Variants in TNR observed in about 807,000 individuals in gnomAD.
TNR encodes tenascin-R.
TNR carries 45 observed loss-of-function variants against 150.4 expected under a neutral mutation model. The observed-to-expected ratio is 0.30, with a 90% CI of 0.24 to 0.38. The LOEUF is 0.38. Ranked by LOEUF, TNR falls within the 10% of genes least tolerant of loss-of-function variation. The probability of loss-of-function intolerance (pLI) is 1.00; values close to 1 mark genes in which losing one functional copy is unlikely to be tolerated. For synonymous variants in TNR, 687 were observed against 678.4 expected, an observed-to-expected ratio of 1.01 and a Z score of -0.20; for missense variants, 1,544 against 1,759.1, an observed-to-expected ratio of 0.88 and a Z score of 2.19.
At chr1:175,552,968 C>T (rs1420065724) in intron 1 of TNR, among the ~76,000 whole-genome samples, 1 of 152,130 alleles carries the variant, frequency 6.6e-6, no homozygotes, top group Non-Finnish European at 1.5e-5. Flanking sequence ...TGAACTAGAC[C>T]TGAGAGCCCT....
intron 1 of TNR, among the ~76,000 whole-genome samples, chr1:175,725,062 G>A (rs1457254316): frequency 1.3e-5 from 2 of 152,158 alleles, no homozygotes; most frequent in East Asian, 1.9e-4. Flanking sequence ...AAGATCAATG[G>A]GAAGTGCTTG....
intron 9 of TNR, among the ~76,000 whole-genome samples, chr1:175,368,473 C>T (rs981650344): frequency 1.3e-5 from 2 of 152,204 alleles, no homozygotes; most frequent in Non-Finnish European, 2.9e-5. Flanking sequence ...TCATGTTGGT[C>T]CCACCTGGAT....
Position 175,411,296 on chromosome 1 carries a change from C to T in TNR, c.-63-4519G>A, listed in dbSNP as rs189451972. Among the ~76,000 whole-genome samples, 3 of 152,254 alleles carry T rather than the reference C, an allele frequency of 2.0e-5. No individual in the cohort carries two copies. The East Asian group carries it at 5.8e-4, about 29-fold the overall frequency. The stretch of plus-strand genomic sequence containing the variant: ...GTGTTGAAGAGGGGATGTTAAGCAT[C>T]AGATGAGCGATTGGGCTAGAACGAA... On this transcript the variant is annotated intron_variant, in intron 2 of 22. Coordinates refer to ENST00000367674, the MANE Select transcript of TNR (RefSeq NM_003285.3).
At chr1:175,530,967 TGAA>T (rs934165754) in intron 1 of TNR, among the ~76,000 whole-genome samples, 8 of 152,150 alleles carry the variant, frequency 5.3e-5, no homozygotes, top group African/African-American at 1.9e-4. Flanking sequence ...ACCAGGAATA[TGAA>T]GAAGAGGATA....
At chr1:175,503,691 T>C (rs1381162250) in intron 2 of TNR, among the ~76,000 whole-genome samples, 1 of 152,154 alleles carries the variant, frequency 6.6e-6, no homozygotes, top group Non-Finnish European at 1.5e-5. Flanking sequence ...TGAAATCTCA[T>C]GACGCTCCAT....
chr1:175,467,964 A>G (rs1657104606), intron 2 of TNR, among the ~76,000 whole-genome samples: 1 of 152,232 alleles, frequency 6.6e-6, no homozygotes, highest in South Asian at 2.1e-4. Context: ...ATATGTCCTT[A>G]GGGAGAGAGG....
chr1:175,466,038 A>G (rs973041270), intron 2 of TNR, among the ~76,000 whole-genome samples: 4 of 152,162 alleles, frequency 2.6e-5, no homozygotes, highest in African/African-American at 9.7e-5. Flanking sequence ...GCTGTGTGGA[A>G]TTGGTCTTTC....
intron 2 of TNR, among the ~76,000 whole-genome samples, chr1:175,459,560 G>A (rs1656723785): frequency 6.6e-6 from 1 of 152,198 alleles, no homozygotes; most frequent in South Asian, 2.1e-4. Flanking sequence ...ATGCTACAAA[G>A]AAAATGCATT....
intron 1 of TNR, among the ~76,000 whole-genome samples, chr1:175,724,635 G>T (rs1452723692): frequency 6.6e-6 from 1 of 152,082 alleles, no homozygotes; most frequent in Non-Finnish European, 1.5e-5. Context: ...TTGATTTATT[G>T]TTATTGATTA....
At chr1:175,453,785 C>A (rs976091713) in intron 2 of TNR, among the ~76,000 whole-genome samples, 3 of 152,158 alleles carry the variant, frequency 2.0e-5, no homozygotes, top group Admixed American at 6.5e-5. Flanking sequence ...GTTGTCCAGT[C>A]TGGTCTCGAA....
intron 1 of TNR, among the ~76,000 whole-genome samples, chr1:175,584,143 G>T (rs542617269): frequency 6.6e-6 from 1 of 152,270 alleles, no homozygotes; most frequent in East Asian, 1.9e-4. Context: ...GACCCCATTT[G>T]GAGACAGGAT....
intron 1 of TNR, among the ~76,000 whole-genome samples, chr1:175,560,461 G>A (rs1661378885): frequency 6.6e-6 from 1 of 152,230 alleles, no homozygotes; most frequent in Admixed American, 6.5e-5. Context: ...AGAATACCAA[G>A]GCAAACTTTG....
At chr1:175,731,265 G>A (rs926874016) in intron 1 of TNR, among the ~76,000 whole-genome samples, 2 of 152,180 alleles carry the variant, frequency 1.3e-5, no homozygotes, top group African/African-American at 2.4e-5. Context: ...TGAAAAGTGC[G>A]AGTTAGTATG....
chr1:175,384,063 C>T (rs1240714600), intron 8 of TNR, among the ~76,000 whole-genome samples: 1 of 152,236 alleles, frequency 6.6e-6, no homozygotes, highest in Non-Finnish European at 1.5e-5. Flanking sequence ...TCCATCTTGT[C>T]GACCTGAACA....
At chr1:175,507,670 T>TA (rs1481343300) in intron 2 of TNR, among the ~76,000 whole-genome samples, 1 of 152,180 alleles carries the variant, frequency 6.6e-6, no homozygotes, top group African/African-American at 2.4e-5. Context: ...CCACCCAGCA[T>TA]AATGAACTCC....
At chr1:175,560,232 G>C (rs1000558812) in intron 1 of TNR, among the ~76,000 whole-genome samples, 1 of 152,198 alleles carries the variant, frequency 6.6e-6, no homozygotes, top group East Asian at 1.9e-4. Flanking sequence ...CCCATAGTCT[G>C]TAGATATATT....
At chr1:175,687,258 A>G (rs888940679) in intron 1 of TNR, among the ~76,000 whole-genome samples, 3 of 152,046 alleles carry the variant, frequency 2.0e-5, no homozygotes, top group African/African-American at 7.2e-5. Context: ...ATTTCCACTG[A>G]CAAGCACCAT....
Position 175,618,600 on chromosome 1 carries a change from A to G in TNR, c.-164-90231T>C, listed in dbSNP as rs138067484. 1.3e-3 allele frequency among the ~76,000 whole-genome samples: 203 copies of G among 152,298 alleles called. No individual in the cohort carries two copies. In the East Asian group the frequency reaches 0.032, roughly 24 times the overall value. ...TGTTCCCTCTGCCCACCCTGCTGGTAGACACTCTCCTTAGCCCTAGGAGTA... is the reference window on the plus strand; with the variant it reads ...TGTTCCCTCTGCCCACCCTGCTGGTGGACACTCTCCTTAGCCCTAGGAGTA... On this transcript the variant is annotated intron_variant, in intron 1 of 22. Transcript: ENST00000367674.
At chr1:175,682,343 G>A (rs1185160732) in intron 1 of TNR, among the ~76,000 whole-genome samples, 1 of 152,176 alleles carries the variant, frequency 6.6e-6, no homozygotes, top group African/African-American at 2.4e-5. Flanking sequence ...CTATGGAGTG[G>A]GGGTGACGAT....
Sources: gnomAD v4.1 joint callset for allele counts (sites outside exome capture counted in the v4.1 genomes callset) on GRCh38, gnomAD v4.1.1 for gene constraint, MANE v1.5 for transcripts, NCBI Gene and HGNC (gene_info 2026-07-23, HGNC 2026-07-21) for gene names.